Variants in STK10 observed in about 807,000 individuals in gnomAD.
The protein encoded by STK10 is serine/threonine kinase 10.
Under a neutral mutation model 113.8 loss-of-function variants are expected in STK10, and 78 were observed. The ratio of observed to expected loss-of-function variants is 0.69; its 90% confidence interval spans 0.57 to 0.83. STK10 has a LOEUF of 0.83. Ranked by LOEUF, STK10 falls within the 40% of genes least tolerant of loss-of-function variation. STK10 has a pLI of 0.00. For missense variants in STK10, 1,109 were observed against 1,280.1 expected, an observed-to-expected ratio of 0.87 and a Z score of 2.04; for synonymous variants, 465 against 494.7, an observed-to-expected ratio of 0.94 and a Z score of 0.80.
chr5:172,057,392 T>C lies in STK10; in HGVS notation c.2294A>G (p.Gln765Arg), dbSNP rs376464626. The stretch of plus-strand genomic sequence containing the variant: ...CAGCTCGTGCCGCTGGAGGAAGTAC[T>C]GGTCTTTGAGCTGCTGCTTCACCAG... Reference protein sequence around the residue: ...HQLVKQQLKDQYFLQRHELLR... With the variant: ...HQLVKQQLKDRYFLQRHELLR... The change falls in exon 15 of 19, where the codon CAG becomes CGG. Residue 765 changes from glutamine to arginine, a missense_variant. By Grantham distance (43) the Gln-to-Arg change is conservative (BLOSUM62 1). Around this residue, in one of 5 missense-constraint regions of STK10, gnomAD observed 885 missense variants for 991.1 expected, o/e 0.89. Coordinates refer to ENST00000176763, the MANE Select transcript of STK10 (RefSeq NM_005990.4). 3.0e-5 allele frequency: 47 copies of C among 1,559,722 alleles called. No individual in the cohort carries two copies. Among genetic ancestry groups the C allele is most frequent in the Non-Finnish European group, 3.8e-5 (44 of 1,152,014 alleles).
intron 1 of STK10, among the ~76,000 whole-genome samples, chr5:172,180,517 G>A (rs567690788): frequency 2.0e-5 from 3 of 151,664 alleles, no homozygotes; most frequent in African/African-American, 7.3e-5. Flanking sequence ...ACGGCCAGGT[G>A]CAGTGGCTCA....
At chr5:172,113,574 A>G (rs907239189) in intron 4 of STK10, among the ~76,000 whole-genome samples, 2 of 152,236 alleles carry the variant, frequency 1.3e-5, no homozygotes, top group Non-Finnish European at 2.9e-5. Context: ...GTTAAAAACC[A>G]GACTAGGAAA....
chr5:172,153,027 C>A (rs899128474), intron 2 of STK10, among the ~76,000 whole-genome samples: 1 of 152,168 alleles, frequency 6.6e-6, no homozygotes, highest in Non-Finnish European at 1.5e-5. Flanking sequence ...TGACTCATGC[C>A]TGTAATCCCA....
At chr5:172,117,417 G>A in intron 4 of STK10, 64 bp downstream of exon 4, 1 of 1,585,554 alleles carries the variant, frequency 6.3e-7, no homozygotes, top group Admixed American at 1.7e-5. Context: ...GGCCTGCAGA[G>A]GCCAGGCCAA....
At position 172,096,551 on chromosome 5, in the gene STK10, C is replaced by A; in HGVS notation, c.880G>T (p.Val294Phe). ...SAAQLLEHPF[V>F]SSITSNKALR... Reference sequence around the variant, plus strand: ...GCCTTGTTACTGGTGATGCTGCTGACGAAGGGATGCTGAGGGGGCAAGATG... The same window carrying A: ...GCCTTGTTACTGGTGATGCTGCTGAAGAAGGGATGCTGAGGGGGCAAGATG... The change falls in exon 8 of 19, where the codon GTC becomes TTC. Residue 294 changes from valine to phenylalanine, a missense_variant. By Grantham distance (50) the Val-to-Phe change is conservative (BLOSUM62 -1). Transcript: ENST00000176763. The A allele has an allele frequency of 6.2e-7, 1 of 1,613,290 alleles. No individual in the cohort carries two copies. The highest frequency in any genetic ancestry group is 8.5e-7 in the Non-Finnish European group (1 of 1,180,042).
At chr5:172,149,962 G>A (rs549635096) in intron 2 of STK10, among the ~76,000 whole-genome samples, 10 of 147,080 alleles carry the variant, frequency 6.8e-5, no homozygotes, top group South Asian at 2.1e-4. Context: ...CAGGAGAATC[G>A]CTTGAACCCA....
chr5:172,067,356 C>T (rs1768091682), intron 12 of STK10, among the ~76,000 whole-genome samples: 1 of 148,668 alleles, frequency 6.7e-6, no homozygotes, highest in African/African-American at 2.5e-5. Context: ...GACCCTGTCT[C>T]TAAATAAATA....
Position 172,082,605 on chromosome 5 carries a change from C to T in STK10, c.1810-100G>A. 1.4e-6 allele frequency: 2 copies of T among 1,419,042 alleles called. No homozygotes were observed. Among genetic ancestry groups the T allele is most frequent in the Non-Finnish European group, 1.9e-6 (2 of 1,062,132 alleles). 87.9% of individuals were successfully genotyped at this position (1,419,042 alleles called of 1,614,324 possible). On this transcript the variant is annotated intron_variant, in intron 11 of 18. Coordinates refer to ENST00000176763, the MANE Select transcript of STK10 (RefSeq NM_005990.4). This position sits in a 1 kb window ranked among gnomAD's most constrained non-coding sequence, Gnocchi z 4.3. ...GGAGAACTCAGAGCTTGTGATCAGACCTAAGCTTGAATCCCAGCTCTACTA... is the reference window on the plus strand; with the variant it reads ...GGAGAACTCAGAGCTTGTGATCAGATCTAAGCTTGAATCCCAGCTCTACTA...
chr5:172,075,040 G>A (rs1357181274), intron 12 of STK10, among the ~76,000 whole-genome samples: 1 of 151,636 alleles, frequency 6.6e-6, no homozygotes, highest in African/African-American at 2.4e-5. Context: ...AATTAGCTGA[G>A]TGTGTTGGTA....
intron 7 of STK10, among the ~76,000 whole-genome samples, chr5:172,097,419 A>C (rs907550410): frequency 6.6e-6 from 1 of 152,188 alleles, no homozygotes; most frequent in African/African-American, 2.4e-5. Context: ...TCACCGGGGA[A>C]GGCTCCCGTC....
At chr5:172,089,511 T>C (rs955151263) in intron 10 of STK10, among the ~76,000 whole-genome samples, 2 of 151,710 alleles carry the variant, frequency 1.3e-5, no homozygotes, top group African/African-American at 2.4e-5. Context: ...GATGACTGGA[T>C]GGATGATTGG....
chr5:172,127,904 A>G (rs1333011358), intron 2 of STK10, among the ~76,000 whole-genome samples: 1 of 152,192 alleles, frequency 6.6e-6, no homozygotes, highest in Non-Finnish European at 1.5e-5. Context: ...GGCTCAGAAC[A>G]TCAGGGCCTT....
chr5:172,049,273 G>T (rs549984328), intron 18 of STK10, among the ~76,000 whole-genome samples: 1 of 152,144 alleles, frequency 6.6e-6, no homozygotes, highest in Non-Finnish European at 1.5e-5. Flanking sequence ...TCAAGCTAAC[G>T]ATGACACACA....
intron 12 of STK10, among the ~76,000 whole-genome samples, chr5:172,079,295 G>A (rs1176974019): frequency 6.6e-6 from 1 of 152,036 alleles, no homozygotes; most frequent in Non-Finnish European, 1.5e-5. Flanking sequence ...CAGGACCTCT[G>A]CAGGTGCTGT....
At chr5:172,061,975 C>A (rs1295112423) in intron 13 of STK10, among the ~76,000 whole-genome samples, 2 of 149,714 alleles carry the variant, frequency 1.3e-5, no homozygotes, top group Admixed American at 1.3e-4. Flanking sequence ...TGTTACTTTT[C>A]TTTTTTCTTT....
chr5:172,182,192 A>T (rs1367166549), intron 1 of STK10, among the ~76,000 whole-genome samples: 1 of 151,018 alleles, frequency 6.6e-6, no homozygotes, highest in Non-Finnish European at 1.5e-5. Flanking sequence ...AATCCCAGCT[A>T]CTTGGGAGGC....
intron 16 of STK10, 61 bp downstream of exon 16, chr5:172,055,527 G>A (rs555868708): frequency 9.0e-6 from 12 of 1,338,380 alleles, no homozygotes; most frequent in East Asian, 8.6e-5. Context: ...CCCAGGTCCC[G>A]CCAAACCTGG....
In STK10 at chr5:172,043,998, G is replaced by A. The variant is rs1373975753; in HGVS notation, c.*884C>T. The A allele has an allele frequency of 1.3e-5, 2 of 152,310 alleles. No homozygotes were observed. Among genetic ancestry groups the A allele is most frequent in the East Asian group, 3.8e-4 (2 of 5,204 alleles). The allele number at this position is 152,310 out of a possible 1,614,324, so 9.4% of individuals were successfully genotyped here. On this transcript the variant is annotated 3_prime_UTR_variant, in exon 19 of 19. Transcript: ENST00000176763. ...AGTCCCTGCACACAGGAGCCTGTGC[G>A]GGGGCCAGCACGCATCGCAGCCTGG...
At chr5:172,169,504 T>C (rs1770626898) in intron 1 of STK10, among the ~76,000 whole-genome samples, 1 of 140,826 alleles carries the variant, frequency 7.1e-6, no homozygotes, top group African/African-American at 2.7e-5. Context: ...GGCAGAAGAA[T>C]GGGAGGGTGG....
Sources: gnomAD v4.1 joint callset for allele counts (sites outside exome capture counted in the v4.1 genomes callset) on GRCh38, gnomAD v4.1.1 for gene constraint, gnomAD v4.1.1 regional missense constraint, Gnocchi (gnomAD v3.1) non-coding constraint, MANE v1.5 for transcripts, NCBI Gene and HGNC (gene_info 2026-07-23, HGNC 2026-07-21) for gene names.